Variants in KCNK1 observed in about 807,000 individuals in gnomAD.
KCNK1 encodes potassium channel subfamily K member 1.
In KCNK1, 10 loss-of-function variants were observed where a neutral mutation model predicts 22.2. The ratio of observed to expected loss-of-function variants is 0.45; its 90% CI spans 0.28 to 0.76. KCNK1 has a LOEUF of 0.76. Among genes scored for constraint, KCNK1 ranks in the 30% least tolerant of loss-of-function variants. KCNK1 has a pLI of 0.14. For synonymous variants in KCNK1, 200 were observed against 186.4 expected (o/e 1.07, Z -0.60); for missense variants, 378 against 421.0 (o/e 0.90, Z 0.89).
chr1:233,656,345 G>A (rs1165155737), intron 1 of KCNK1, among the ~76,000 whole-genome samples: 1 of 152,214 alleles, frequency 6.6e-6, no homozygotes, highest in African/African-American at 2.4e-5. Flanking sequence ...GAGCTGGCAG[G>A]CTTCAACTGA....
Position 233,671,319 on chromosome 1 carries a change from T to A in KCNK1, c.800T>A (p.Phe267Tyr). The A allele has an allele frequency of 1.2e-6, 2 of 1,614,200 alleles. No homozygotes were observed. The highest frequency in any genetic ancestry group is 1.7e-6 in the Non-Finnish European group (2 of 1,180,014). Residue 267 changes from phenylalanine to tyrosine, a missense_variant, in exon 3 of 3, where the codon TTC becomes TAC. By Grantham distance (22) the Phe-to-Tyr change is conservative. Coordinates refer to ENST00000366621, the MANE Select transcript of KCNK1 (RefSeq NM_002245.4). ...GCCATGTTGGTAGTTCTGGAAACCT[T>A]CTGTGAACTCCATGAGCTGAAAAAA... ...LIAMLVVLETFCELHELKKFR... is the reference protein window; with the variant it reads ...LIAMLVVLETYCELHELKKFR...
chr1:233,621,908 CT>C (rs1357197772), intron 1 of KCNK1, among the ~76,000 whole-genome samples: 1 of 151,604 alleles, frequency 6.6e-6, no homozygotes, highest in East Asian at 1.9e-4. Context: ...CTCTGGTGCT[CT>C]CAGAACAAGC....
rs1657940810 is a variant in KCNK1, at chr1:233,638,401, G to A, written c.355+23875G>A. ...TTCCTTGTTTCTCTTGTTTTTTGATGACCAATACCTAAAAAAGAGAGAAAA... is the reference window on the plus strand; with the variant it reads ...TTCCTTGTTTCTCTTGTTTTTTGATAACCAATACCTAAAAAAGAGAGAAAA... On this transcript the variant is annotated intron_variant, in intron 1 of 2. Transcript: ENST00000366621. Among the ~76,000 whole-genome samples, 3 of 143,240 alleles carry A rather than the reference G, an allele frequency of 2.1e-5. 1 individual carries two copies. The South Asian group carries it at 7.1e-4, about 34-fold the overall frequency. 94.0% of individuals were successfully genotyped at this position (143,240 alleles called of 152,430 possible).
intron 1 of KCNK1, among the ~76,000 whole-genome samples, chr1:233,658,351 A>G (rs1190293904): frequency 6.6e-6 from 1 of 152,242 alleles, no homozygotes; most frequent in Admixed American, 6.5e-5. Flanking sequence ...GAAAGCATGT[A>G]TAATAGAAAT....
intron 1 of KCNK1, among the ~76,000 whole-genome samples, chr1:233,641,783 C>A (rs181469653): frequency 6.6e-6 from 1 of 152,194 alleles, no homozygotes; most frequent in African/African-American, 2.4e-5. Context: ...TGAGAGAAAC[C>A]TCATGAATGG....
In KCNK1 at chr1:233,671,643, A is replaced by T; in HGVS notation, c.*113A>T. ...AGCGAAAATTATGTCACTTTAAGAA[A>T]TAGCTACTGTTTGCAATGTCTTATT... On this transcript the variant is annotated 3_prime_UTR_variant, in exon 3 of 3. Transcript: ENST00000366621. The T allele has an allele frequency of 8.1e-7, 1 of 1,229,868 alleles. No individual in the cohort carries two copies. Among genetic ancestry groups the T allele is most frequent in the South Asian group, 1.5e-5 (1 of 67,586 alleles). 76.2% of individuals were successfully genotyped at this position (1,229,868 alleles called of 1,614,324 possible). A position where few individuals can be genotyped will look rare whatever the true frequency, so the allele number is the denominator to read the frequency against.
intron 1 of KCNK1, among the ~76,000 whole-genome samples, chr1:233,619,024 T>G (rs1657532999): frequency 2.6e-5 from 4 of 152,166 alleles, no homozygotes; most frequent in Admixed American, 2.6e-4. Flanking sequence ...TTTTGTTTAT[T>G]TTTATTTTTT....
rs761284593 is a variant in KCNK1, at chr1:233,614,525, A to G, written c.354A>G (p.Thr118=). The change falls in exon 1 of 3, where the codon ACA becomes ACG. Residue 118 remains threonine (T), a splice_region_variant and synonymous_variant. Transcript: ENST00000366621. ...TCGCCAGCACCGTGCTCTCCACCAC[A>G]GGTAGGGTATCCTGCGCGCCCCCTG... ...LFFASTVLST[T]GYGHTVPLSD... 2.7e-5 allele frequency: 43 copies of G among 1,581,794 alleles called. No homozygotes were observed. The Admixed American group carries it at 7.5e-4, about 27-fold the overall frequency.
At chr1:233,668,512 T>G (rs1469805777) in intron 2 of KCNK1, among the ~76,000 whole-genome samples, 1 of 152,224 alleles carries the variant, frequency 6.6e-6, no homozygotes, top group African/African-American at 2.4e-5. Flanking sequence ...GCCCATATGG[T>G]ATTCACCAGG....
At chr1:233,644,580 A>T (rs999255060) in intron 1 of KCNK1, among the ~76,000 whole-genome samples, 3 of 152,194 alleles carry the variant, frequency 2.0e-5, no homozygotes, top group African/African-American at 7.2e-5. Flanking sequence ...AAGGGTGACC[A>T]GAAAGCCTTC....
chr1:233,643,474 A>G (rs140217241), intron 1 of KCNK1, among the ~76,000 whole-genome samples: 132 of 152,312 alleles, frequency 8.7e-4, no homozygotes, highest in African/African-American at 3.1e-3. Flanking sequence ...TTGTGAGTGC[A>G]GCACTTTCCC....
chr1:233,639,265 A>G (rs1046939385), intron 1 of KCNK1, among the ~76,000 whole-genome samples: 2 of 152,176 alleles, frequency 1.3e-5, no homozygotes, highest in African/African-American at 4.8e-5. Context: ...TGCATTTTTA[A>G]ATGTTCTTTG....
chr1:233,671,888 T>G lies in KCNK1; in HGVS notation c.*358T>G. 1 of 197,832 alleles carries G rather than the reference T, an allele frequency of 5.1e-6. No individual in the cohort carries two copies. The highest frequency in any genetic ancestry group is 1.0e-5 in the Non-Finnish European group (1 of 97,120). The allele number at this position is 197,832 out of a possible 1,614,324, so 12.3% of individuals were successfully genotyped here. ...GGGGTTTGCATTTAGATCATTTAGC[T>G]GATGGCTAAATAGCAAAATTTATAT... On this transcript the variant is annotated 3_prime_UTR_variant, in exon 3 of 3. Transcript: ENST00000366621.
chr1:233,642,935 A>ATTT lies in KCNK1; in HGVS notation c.356-23644_356-23642dup, dbSNP rs11459973. ...AGGCATGCGCCACCGCACCCGGCTA[A>ATTT]TTTTTTTTTTTTTTTTTTGCATTTT... On this transcript the variant is annotated intron_variant, in intron 1 of 2. Coordinates refer to ENST00000366621, the MANE Select transcript of KCNK1 (RefSeq NM_002245.4). 2.3e-3 allele frequency among the ~76,000 whole-genome samples: 301 copies of ATTT among 133,146 alleles called. 3 individuals carry two copies. Among genetic ancestry groups the ATTT allele is most frequent in the Admixed American group, 7.1e-3 (94 of 13,156 alleles). The allele number at this position is 133,146 out of a possible 152,430, so 87.3% of individuals were successfully genotyped here.
At chr1:233,634,332 A>C (rs1657860203) in intron 1 of KCNK1, among the ~76,000 whole-genome samples, 1 of 151,474 alleles carries the variant, frequency 6.6e-6, no homozygotes, top group African/African-American at 2.4e-5. Flanking sequence ...AAAAAAAAAA[A>C]AGAAAAAGAA....
chr1:233,641,222 G>A (rs1372489074), intron 1 of KCNK1, among the ~76,000 whole-genome samples: 1 of 152,156 alleles, frequency 6.6e-6, no homozygotes, highest in African/African-American at 2.4e-5. Flanking sequence ...GCCTGTCGGA[G>A]GGCTGAGTCA....
chr1:233,631,689 C>T (rs1294456999), intron 1 of KCNK1, among the ~76,000 whole-genome samples: 1 of 148,434 alleles, frequency 6.7e-6, no homozygotes, highest in Non-Finnish European at 1.5e-5. Flanking sequence ...CACTCATTTC[C>T]TCATCTGTGC....
intron 1 of KCNK1, among the ~76,000 whole-genome samples, chr1:233,655,082 C>T (rs1483341612): frequency 1.3e-5 from 2 of 152,214 alleles, no homozygotes; most frequent in Non-Finnish European, 2.9e-5. Context: ...GGAGGGCCAC[C>T]ACGCCCGTGG....
Position 233,671,507 on chromosome 1 carries a change from G to T in KCNK1, c.988G>T (p.Val330Leu). ...PFVATQSSAC[V>L]DGPANH ...TGTGGCCACCCAGTCATCTGCCTGC[G>T]TGGATGGCCCTGCAAACCATTGAGC... The change falls in exon 3 of 3, where the codon GTG becomes TTG. Residue 330 changes from valine (V) to leucine (L), a missense_variant. Coordinates refer to ENST00000366621, the MANE Select transcript of KCNK1 (RefSeq NM_002245.4). 1.2e-6 allele frequency: 2 copies of T among 1,614,124 alleles called. No homozygotes were observed. Among genetic ancestry groups the T allele is most frequent in the South Asian group, 2.2e-5 (2 of 91,078 alleles).
Sources: gnomAD v4.1 joint callset for allele counts (sites outside exome capture counted in the v4.1 genomes callset) on GRCh38, gnomAD v4.1.1 for gene constraint, MANE v1.5 for transcripts, NCBI Gene and HGNC (gene_info 2026-07-23, HGNC 2026-07-21) for gene names.